NCKAP5: variants seen among roughly 807,000 people sequenced by gnomAD.
NCKAP5 encodes NCK associated protein 5, also known as nck-associated protein 5.
NCKAP5 carries 92 observed loss-of-function variants against 167.0 expected under a neutral mutation model. The ratio of observed to expected loss-of-function variants is 0.55; its 90% CI spans 0.47 to 0.66. The LOEUF is 0.66. Ranked by LOEUF, NCKAP5 falls within the 30% of genes least tolerant of loss-of-function variation. NCKAP5 has a pLI of 0.00. For missense variants in NCKAP5, 2,378 were observed against 2,315.0 expected, an observed-to-expected ratio of 1.03 and a Z score of -0.56; for synonymous variants, 891 against 877.4, an observed-to-expected ratio of 1.02 and a Z score of -0.27.
intron 3 of NCKAP5, among the ~76,000 whole-genome samples, chr2:133,477,220 C>A (rs1305727454): frequency 1.3e-5 from 2 of 152,206 alleles, no homozygotes; most frequent in Admixed American, 6.5e-5. Context: ...GGAACATTGA[C>A]CTTGAGCCCA....
chr2:132,682,882 T>C (rs1432559949), intron 19 of NCKAP5, among the ~76,000 whole-genome samples: 1 of 151,842 alleles, frequency 6.6e-6, no homozygotes. Context: ...ATTTCTTTCT[T>C]TTTACTTTTT....
chr2:132,786,676 A>C (rs1462430942), intron 13 of NCKAP5, among the ~76,000 whole-genome samples: 1 of 152,044 alleles, frequency 6.6e-6, no homozygotes, highest in African/African-American at 2.4e-5. Flanking sequence ...AAAAGCTAAC[A>C]TTTACTGAGC....
At chr2:133,382,372 T>G (rs1360857786) in intron 3 of NCKAP5, among the ~76,000 whole-genome samples, 1 of 152,074 alleles carries the variant, frequency 6.6e-6, no homozygotes, top group Non-Finnish European at 1.5e-5. Flanking sequence ...GTACCTAGAG[T>G]GACTTTTTGC....
intron 3 of NCKAP5, among the ~76,000 whole-genome samples, chr2:133,447,068 C>A (rs76341647): frequency 1.3e-5 from 2 of 152,096 alleles, no homozygotes; most frequent in African/African-American, 2.4e-5. Flanking sequence ...TGACTCTATG[C>A]GTGGTGGAAA....
At chr2:132,827,785 T>C (rs1276875644) in intron 11 of NCKAP5, among the ~76,000 whole-genome samples, 1 of 152,228 alleles carries the variant, frequency 6.6e-6, no homozygotes, top group African/African-American at 2.4e-5. Context: ...ATTTCCTTTA[T>C]ACTGATTCTT....
At position 133,553,979 on chromosome 2, in the gene NCKAP5, C is replaced by G. The variant is rs528481760; in HGVS notation, c.-62+5071G>C. Among the ~76,000 whole-genome samples, 27 of 152,320 alleles carry G rather than the reference C, an allele frequency of 1.8e-4. 1 individual carries two copies. The South Asian group carries it at 5.0e-3, about 28-fold the overall frequency. On this transcript the variant is annotated intron_variant, in intron 2 of 19. Transcript: ENST00000409261. ...AGGCTAAAATCAATGTGTCAAGTGT[C>G]AGACCTCAGGTGTCTGGGATCTCAT... is the stretch of plus-strand genomic sequence containing the variant.
At chr2:133,567,595 T>C (rs1180349458) in intron 1 of NCKAP5, among the ~76,000 whole-genome samples, 1 of 151,780 alleles carries the variant, frequency 6.6e-6, no homozygotes, top group African/African-American at 2.4e-5. Context: ...AGAATCCAAA[T>C]AGAAACAGTT....
intron 3 of NCKAP5, among the ~76,000 whole-genome samples, chr2:133,303,805 A>T (rs1309658017): frequency 6.6e-6 from 1 of 152,204 alleles, no homozygotes; most frequent in Non-Finnish European, 1.5e-5. Context: ...GTTACATGAG[A>T]AGTAAGCAGA....
At chr2:133,367,738 T>C (rs749642966) in intron 3 of NCKAP5, among the ~76,000 whole-genome samples, 16 of 152,158 alleles carry the variant, frequency 1.1e-4, no homozygotes, top group Non-Finnish European at 2.1e-4. Flanking sequence ...AGTTCTGAAG[T>C]GAGTCATATA....
At chr2:133,337,081 C>T (rs1683261374) in intron 3 of NCKAP5, among the ~76,000 whole-genome samples, 1 of 152,154 alleles carries the variant, frequency 6.6e-6, no homozygotes, top group African/African-American at 2.4e-5. Flanking sequence ...GAACTCAGGC[C>T]TCTTTTCAAT....
chr2:133,122,300 A>G (rs762036433), intron 6 of NCKAP5: 40 of 152,252 alleles, frequency 2.6e-4, no homozygotes, highest in Non-Finnish European at 5.3e-4. Context: ...ATTATTCTGT[A>G]TCTCACACAT....
At chr2:132,841,415 C>T (rs1688286638) in intron 11 of NCKAP5, among the ~76,000 whole-genome samples, 1 of 151,964 alleles carries the variant, frequency 6.6e-6, no homozygotes, top group South Asian at 2.1e-4. Context: ...TTTAAACTAG[C>T]AGATTTTTTA....
chr2:133,390,218 A>G (rs1453647000), intron 3 of NCKAP5, among the ~76,000 whole-genome samples: 1 of 152,210 alleles, frequency 6.6e-6, no homozygotes, highest in Non-Finnish European at 1.5e-5. Flanking sequence ...GGACAAGTCC[A>G]TGCTTGGTAC....
chr2:133,195,090 T>C (rs1398488073), intron 5 of NCKAP5, among the ~76,000 whole-genome samples: 1 of 151,782 alleles, frequency 6.6e-6, no homozygotes, highest in Non-Finnish European at 1.5e-5. Context: ...GAGCCAAAGG[T>C]TCATCTCAGA....
In NCKAP5 at chr2:132,758,773, C is replaced by A. The variant is rs571045080; in HGVS notation, c.5128+15043G>T. ...AATGGCACAGATCAGACGAGCAAAC[C>A]AAAGGCAGGCTGATGTGGCACATAG... On this transcript the variant is annotated intron_variant, in intron 16 of 19. Transcript: ENST00000409261. Among the ~76,000 whole-genome samples the A allele has an allele frequency of 9.9e-5, 15 of 152,226 alleles. No individual in the cohort carries two copies. In the East Asian group the frequency reaches 2.5e-3, roughly 26 times the overall value.
intron 4 of NCKAP5, among the ~76,000 whole-genome samples, chr2:133,277,142 C>CG (rs1319403191): frequency 6.6e-6 from 1 of 152,106 alleles, no homozygotes; most frequent in Non-Finnish European, 1.5e-5. Flanking sequence ...CCAGGATGTC[C>CG]GCTGCCTCCA....
At chr2:133,312,636 G>A (rs1017336905) in intron 3 of NCKAP5, among the ~76,000 whole-genome samples, 1 of 152,162 alleles carries the variant, frequency 6.6e-6, no homozygotes, top group Non-Finnish European at 1.5e-5. Flanking sequence ...ACATGCTAAG[G>A]ATAGCTAAAG....
At chr2:133,429,911 G>A (rs1374119950) in intron 3 of NCKAP5, among the ~76,000 whole-genome samples, 1 of 152,056 alleles carries the variant, frequency 6.6e-6, no homozygotes, top group Non-Finnish European at 1.5e-5. Context: ...GCTTTCCACA[G>A]GGGCTGAACT....
intron 16 of NCKAP5, among the ~76,000 whole-genome samples, chr2:132,734,667 A>G (rs1174291563): frequency 6.6e-6 from 1 of 152,162 alleles, no homozygotes; most frequent in Non-Finnish European, 1.5e-5. Context: ...TCATTTCTTC[A>G]TCCTCACATA....
Sources: gnomAD v4.1 joint callset for allele counts (sites outside exome capture counted in the v4.1 genomes callset) on GRCh38, gnomAD v4.1.1 for gene constraint, MANE v1.5 for transcripts, NCBI Gene and HGNC (gene_info 2026-07-23, HGNC 2026-07-21) for gene names.